The following FZR1 variants were observed in gnomAD, a reference collection of about 807,000 sequenced individuals.
The protein encoded by FZR1 is fizzy and cell division cycle 20 related 1.
A neutral mutation model predicts 63.6 loss-of-function variants in FZR1; 11 were observed. The observed-to-expected ratio is 0.17, with a 90% confidence interval of 0.11 to 0.29. The LOEUF (loss-of-function observed/expected upper bound fraction) is 0.29, where lower values mean the gene tolerates loss of function less well. Among genes scored for constraint, FZR1 ranks in the 10% least tolerant of loss-of-function variants. FZR1 has a pLI of 1.00. For synonymous variants in FZR1, 328 were observed against 297.9 expected (o/e 1.10, Z -1.04); for missense variants, 440 against 687.5 (o/e 0.64, Z 4.03).
rs1256219991 is a variant in FZR1, at chr19:3,533,821, C to T, written c.1347+423C>T. The T allele has an allele frequency of 1.6e-5, 3 of 185,464 alleles. No individual in the cohort carries two copies. In the East Asian group the frequency reaches 4.7e-4, roughly 29 times the overall value. 11.5% of individuals were successfully genotyped at this position (185,464 alleles called of 1,614,324 possible). A position where few individuals can be genotyped will look rare whatever the true frequency, so the allele number is the denominator to read the frequency against. On this transcript the variant is annotated intron_variant, in intron 12 of 13. Transcript: ENST00000441788. The surrounding 1 kb of genome is among the most constrained non-coding windows in gnomAD (Gnocchi z 4.9). Reference sequence around the variant, plus strand: ...TCACTTGCCAAGATTTTGTTTCTTCCCTGAAAAACATGTTCTGTGCTTTCA... The same window carrying T: ...TCACTTGCCAAGATTTTGTTTCTTCTCTGAAAAACATGTTCTGTGCTTTCA...
chr19:3,534,540 TCGCCCC>T (rs774969016), intron 13 of FZR1, 27 bp downstream of exon 13: 3 of 1,450,538 alleles, frequency 2.1e-6, no homozygotes, highest in Non-Finnish European at 2.9e-6. Context: ...TCAGCGCCAC[TCGCCCC>T]CGCCCCAGCC....
At chr19:3,508,357 G>A (rs1306633007) in intron 1 of FZR1, among the ~76,000 whole-genome samples, 3 of 151,946 alleles carry the variant, frequency 2.0e-5, no homozygotes, top group East Asian at 1.9e-4. Flanking sequence ...CACCACGCCC[G>A]GCTATTTTTG....
rs1568235504 is a variant in FZR1, at chr19:3,526,400, A to AC, written c.387+20dup. ...GGTCTGTTCACGGTAAGCCTGCGGC[A>AC]CCCCCCACCCGGGAGCTGGCTCCCA... On this transcript the variant is annotated intron_variant, in intron 5 of 13. Transcript: ENST00000441788. The surrounding 1 kb of genome is among the most constrained non-coding windows in gnomAD (Gnocchi z 5.4). The AC allele has an allele frequency of 1.9e-6, 3 of 1,552,028 alleles. No homozygotes were observed. The highest frequency in any genetic ancestry group is 2.4e-5 in the East Asian group (1 of 41,548).
chr19:3,506,972 TGCGATG>T (rs1207321921), intron 1 of FZR1, among the ~76,000 whole-genome samples: 1 of 152,012 alleles, frequency 6.6e-6, no homozygotes, highest in Non-Finnish European at 1.5e-5. Flanking sequence ...GCCTGTGGTG[TGCGATG>T]GCTCGCCCAG....
At chr19:3,507,118 C>T (rs2082989499) in intron 1 of FZR1, among the ~76,000 whole-genome samples, 1 of 152,154 alleles carries the variant, frequency 6.6e-6, no homozygotes, top group South Asian at 2.1e-4. Context: ...GTCCCCGTCT[C>T]ACCTCATCTC....
chr19:3,534,568 C>T (rs774359293), intron 13 of FZR1, 55 bp downstream of exon 13: 31 of 1,218,692 alleles, frequency 2.5e-5, no homozygotes, highest in African/African-American at 4.4e-5. Flanking sequence ...GTCCCAGGGT[C>T]GTCCCTGTCC....
In FZR1 at chr19:3,533,584, T is replaced by G; in HGVS notation, c.1347+186T>G. 1.0e-5 allele frequency: 6 copies of G among 584,928 alleles called. No individual in the cohort carries two copies. Among genetic ancestry groups the G allele is most frequent in the East Asian group, 2.9e-5 (1 of 34,438 alleles). 36.2% of individuals were successfully genotyped at this position (584,928 alleles called of 1,614,324 possible). On this transcript the variant is annotated intron_variant, in intron 12 of 13. Transcript: ENST00000441788. The surrounding 1 kb of genome is among the most constrained non-coding windows in gnomAD (Gnocchi z 4.9). ...GTGTTGCCAGCGTTGGAATGGGCTCTACCGAACTCCCCAGCCCTGCAGGTG... is the reference window on the plus strand; with the variant it reads ...GTGTTGCCAGCGTTGGAATGGGCTCGACCGAACTCCCCAGCCCTGCAGGTG...
In FZR1 at chr19:3,537,748, C is replaced by G. The variant is rs1460300451; in HGVS notation, c.*2912C>G. ...GTGAAGGAGCTGGGGCAGGCCCCATCCTGGGCATTGGAGATGATGAAACCG... is the reference window on the plus strand; with the variant it reads ...GTGAAGGAGCTGGGGCAGGCCCCATGCTGGGCATTGGAGATGATGAAACCG... On this transcript the variant is annotated 3_prime_UTR_variant, in exon 14 of 14. Transcript: ENST00000441788. The G allele has an allele frequency of 6.6e-6, 1 of 152,642 alleles. No individual in the cohort carries two copies. Among genetic ancestry groups the G allele is most frequent in the East Asian group, 1.9e-4 (1 of 5,188 alleles). The allele number at this position is 152,642 out of a possible 1,614,324, so 9.5% of individuals were successfully genotyped here. A position where few individuals can be genotyped will look rare whatever the true frequency, so the allele number is the denominator to read the frequency against.
At chr19:3,507,027 A>G (rs1475201333) in intron 1 of FZR1, among the ~76,000 whole-genome samples, 1 of 152,074 alleles carries the variant, frequency 6.6e-6, no homozygotes, top group Non-Finnish European at 1.5e-5. Context: ...ATGCAGTCCC[A>G]GCCCGGGACA....
At position 3,537,608 on chromosome 19, in the gene FZR1, G is replaced by T. The variant is rs2030028215; in HGVS notation, c.*2772G>T. 6.5e-6 allele frequency: 1 copy of T among 153,108 alleles called. No homozygotes were observed. Among genetic ancestry groups the T allele is most frequent in the African/African-American group, 2.4e-5 (1 of 41,468 alleles). The allele number at this position is 153,108 out of a possible 1,614,324, so 9.5% of individuals were successfully genotyped here. ...CAGGAGGAATGGCTGGGAAGTGGCT[G>T]AGGGAGCCAGGAGGCCGGGGGGCCG... On this transcript the variant is annotated 3_prime_UTR_variant, in exon 14 of 14. Transcript: ENST00000441788.
At chr19:3,524,441 G>C (rs1319939444) in intron 2 of FZR1, among the ~76,000 whole-genome samples, 1 of 152,212 alleles carries the variant, frequency 6.6e-6, no homozygotes, top group Non-Finnish European at 1.5e-5. Flanking sequence ...TTATGACACA[G>C]AACCACCTTC....
chr19:3,532,532 G>A lies in FZR1; in HGVS notation c.1124G>A (p.Gly375Asp). 2 of 1,611,998 alleles carry A rather than the reference G, an allele frequency of 1.2e-6. No individual in the cohort carries two copies. The highest frequency in any genetic ancestry group is 2.2e-5 in the East Asian group (1 of 44,840). Residue 375 changes from glycine to aspartate, a missense_variant, in exon 11 of 14, where the codon GGC becomes GAC. Coordinates refer to ENST00000441788, the MANE Select transcript of FZR1 (RefSeq NM_016263.4). ...CAGCACGGGCTGCTGGCCTCGGGGG[G>A]CGGCACAGCTGACCGCTGTATCCGC... ...PHQHGLLASG[G>D]GTADRCIRFW...
Position 3,526,281 on chromosome 19 carries a change from G to A in FZR1, c.282G>A (p.Leu94=), listed in dbSNP as rs756770945. The part of the protein sequence containing the change: ...NGKDGLAYSA[L]LKNELLGAGI... ...CAGACGGCCTGGCCTACTCTGCCCT[G>A]CTCAAGAATGAGCTGCTGGGTGCCG... Residue 94 remains leucine (L), a synonymous_variant, in exon 5 of 14, where the codon CTG becomes CTA. Transcript: ENST00000441788. This position sits in a 1 kb window ranked among gnomAD's most constrained non-coding sequence, Gnocchi z 5.4. 1 of 1,610,258 alleles carries A rather than the reference G, an allele frequency of 6.2e-7. No homozygotes were observed. Among genetic ancestry groups the A allele is most frequent in the South Asian group, 1.1e-5 (1 of 90,876 alleles).
intron 1 of FZR1, among the ~76,000 whole-genome samples, chr19:3,518,684 T>TGGCA (rs2083076856): frequency 1.3e-5 from 2 of 152,194 alleles, no homozygotes; most frequent in African/African-American, 4.8e-5. Context: ...GGCAGCTAGT[T>TGGCA]GTTGGGGGCC....
intron 1 of FZR1, among the ~76,000 whole-genome samples, chr19:3,520,196 C>G (rs2083089230): frequency 6.6e-6 from 1 of 152,156 alleles, no homozygotes; most frequent in South Asian, 2.1e-4. Flanking sequence ...GGTGGGGACA[C>G]ATGGGCCTTT....
At position 3,527,757 on chromosome 19, in the gene FZR1, T is replaced by C. The variant is rs748562693; in HGVS notation, c.597T>C (p.Asn199=). The C allele has an allele frequency of 3.7e-6, 6 of 1,612,878 alleles. No individual in the cohort carries two copies. Among genetic ancestry groups the C allele is most frequent in the African/African-American group, 1.3e-5 (1 of 75,024 alleles). ...ATCTGGTGGACTGGTCGTCCCTCAA[T>C]GTGCTCAGCGTGGGGCTAGGCACCT... ...YLNLVDWSSL[N]VLSVGLGTCV... is the part of the protein sequence containing the mutation. The change falls in exon 7 of 14, where the codon AAT becomes AAC. Residue 199 remains asparagine (N), a synonymous_variant. Coordinates refer to ENST00000441788, the MANE Select transcript of FZR1 (RefSeq NM_016263.4).
rs142885173 is a variant in FZR1, at chr19:3,526,161, C to G, written c.237C>G (p.Asp79Glu). ...CCAGTCAGAACCGGAAAGCCAAGGA[C>G]GCCACCTCAGACAACGGCAAAGGTT... ...KSPSQNRKAK[D>E]ATSDNGKDGL... Residue 79 changes from aspartate to glutamate, a missense_variant, in exon 4 of 14, where the codon GAC (aspartate) becomes GAG (glutamate). Coordinates refer to ENST00000441788, the MANE Select transcript of FZR1 (RefSeq NM_016263.4). This position sits in a 1 kb window ranked among gnomAD's most constrained non-coding sequence, Gnocchi z 5.4. The G allele has an allele frequency of 6.2e-7, 1 of 1,612,800 alleles. No homozygotes were observed. The highest frequency in any genetic ancestry group is 1.3e-5 in the African/African-American group (1 of 74,920).
chr19:3,524,358 C>T (rs185804280), intron 2 of FZR1, among the ~76,000 whole-genome samples: 19 of 152,308 alleles, frequency 1.2e-4, no homozygotes, highest in East Asian at 1.9e-4. Context: ...GGGGGAGGAG[C>T]GGGCATTGGC....
chr19:3,534,578 C>G, intron 13 of FZR1, 65 bp downstream of exon 13: 2 of 1,136,060 alleles, frequency 1.8e-6, no homozygotes, highest in Non-Finnish European at 2.6e-6. Flanking sequence ...CGTCCCTGTC[C>G]CCACTGTCCT....
Sources: allele counts gnomAD v4.1 joint callset (sites outside exome capture counted in the v4.1 genomes callset), GRCh38; gene constraint gnomAD v4.1.1; non-coding constraint Gnocchi (gnomAD v3.1); transcripts MANE v1.5; gene names NCBI Gene and HGNC (gene_info 2026-07-23, HGNC 2026-07-21).